The following NAV3 variants were observed in gnomAD, a reference collection of about 807,000 sequenced individuals.
The protein encoded by NAV3 is neuron navigator 3, also known as pore membrane and/or filament interacting like protein 1.
Under a neutral mutation model 244.7 loss-of-function variants are expected in NAV3, and 87 were observed. The observed-to-expected ratio is 0.36, with a 90% CI of 0.30 to 0.42. The LOEUF (loss-of-function observed/expected upper bound fraction) is 0.42, where lower values mean the gene tolerates loss of function less well. NAV3 is among the 20% of genes least tolerant of loss of function. NAV3 has a pLI of 1.00. For synonymous variants in NAV3, 1,126 were observed against 1,042.2 expected (o/e 1.08, Z -1.55); for missense variants, 2,663 against 2,893.3 (o/e 0.92, Z 1.83).
intron 1 of NAV3, among the ~76,000 whole-genome samples, chr12:77,896,357 C>T (rs1168801691): frequency 1.3e-5 from 2 of 152,128 alleles, no homozygotes; most frequent in African/African-American, 2.4e-5. Context: ...CCTCTGTTTT[C>T]CTTAGATGTG....
At chr12:77,592,793 C>G (rs1015998457) in intron 2 of NAV3, among the ~76,000 whole-genome samples, 1 of 152,150 alleles carries the variant, frequency 6.6e-6, no homozygotes, top group Non-Finnish European at 1.5e-5. Context: ...ATTGGGCATT[C>G]TGAATTTGTC....
intron 18 of NAV3, among the ~76,000 whole-genome samples, chr12:78,129,707 T>G (rs1956079956): frequency 6.6e-6 from 1 of 152,136 alleles, no homozygotes; most frequent in African/African-American, 2.4e-5. Context: ...TATTATTAGT[T>G]TATCAGAAAA....
At chr12:78,072,369 A>G (rs1224247204) in intron 12 of NAV3, among the ~76,000 whole-genome samples, 3 of 111,418 alleles carry the variant, frequency 2.7e-5, no homozygotes, top group Non-Finnish European at 5.6e-5. Context: ...CACCGATCCC[A>G]CAGAAATACA....
intron 1 of NAV3, among the ~76,000 whole-genome samples, chr12:77,909,442 A>T (rs1180856122): frequency 1.3e-5 from 2 of 151,946 alleles, no homozygotes; most frequent in Non-Finnish European, 2.9e-5. Flanking sequence ...TTAATTCCAA[A>T]AAAAAAGGGA....
At chr12:78,118,543 A>G (rs1955525342) in intron 14 of NAV3, among the ~76,000 whole-genome samples, 1 of 152,228 alleles carries the variant, frequency 6.6e-6, no homozygotes, top group Non-Finnish European at 1.5e-5. Context: ...TGGATGCCTT[A>G]CCTTGCCAGA....
intron 31 of NAV3, among the ~76,000 whole-genome samples, chr12:78,186,759 G>A (rs1395680898): frequency 6.6e-6 from 1 of 151,766 alleles, no homozygotes; most frequent in East Asian, 1.9e-4. Flanking sequence ...CAGACTAGGT[G>A]GCCTAAACAA....
At chr12:77,622,972 C>A (rs1871447490) in intron 2 of NAV3, among the ~76,000 whole-genome samples, 1 of 152,098 alleles carries the variant, frequency 6.6e-6, no homozygotes, top group Non-Finnish European at 1.5e-5. Context: ...CAGTGACTTT[C>A]AGTCAGTAAT....
At chr12:77,826,000 GAAT>G (rs1371917164), upstream of NAV3, among the ~76,000 whole-genome samples, 6 of 152,122 alleles carry the variant, frequency 3.9e-5, no homozygotes, top group Admixed American at 3.9e-4. Context: ...CTCCTGAGTA[GAAT>G]GGCTAAAATG....
chr12:77,994,786 T>A lies in NAV3; in HGVS notation c.672-17T>A. ...AAGAATCTCTTTAATTCAATTTCTC[T>A]GTTTCTCCTCATACAGTCTGGCAGC... On this transcript the variant is annotated splice_polypyrimidine_tract_variant and intron_variant, in intron 5 of 39. Coordinates refer to ENST00000397909, the MANE Select transcript of NAV3 (RefSeq NM_001024383.2). 1 of 1,591,742 alleles carries A rather than the reference T, an allele frequency of 6.3e-7. No individual in the cohort carries two copies. Among genetic ancestry groups the A allele is most frequent in the East Asian group, 2.2e-5 (1 of 44,526 alleles).
In NAV3 at chr12:78,157,394, G is replaced by GAA. The variant is rs36115195; in HGVS notation, c.4786-1793_4786-1792dup. Among the ~76,000 whole-genome samples the GAA allele has an allele frequency of 6.8e-4, 73 of 107,176 alleles. 1 individual carries two copies. The highest frequency in any genetic ancestry group is 2.1e-3 in the Admixed American group (23 of 10,784). 70.3% of individuals were successfully genotyped at this position (107,176 alleles called of 152,430 possible). A position where few individuals can be genotyped will look rare whatever the true frequency, so the allele number is the denominator to read the frequency against. On this transcript the variant is annotated intron_variant, in intron 22 of 39. Coordinates refer to ENST00000397909, the MANE Select transcript of NAV3 (RefSeq NM_001024383.2). ...GTGAGGCACTGTCTCTACAGAAAAT[G>GAA]AAAAAAAAAAAAAAAAAGTAGCTGG...
chr12:78,132,352 GT>G (rs1956200635), intron 18 of NAV3, among the ~76,000 whole-genome samples: 1 of 152,102 alleles, frequency 6.6e-6, no homozygotes, highest in African/African-American at 2.4e-5. Context: ...AGTCTGAAAG[GT>G]TAAGTTTACC....
rs71088356 is a variant in NAV3 at position 78,078,375 on chromosome 12, C to CTT, written c.2636+19297_2636+19298dup. 2.1e-4 allele frequency among the ~76,000 whole-genome samples: 14 copies of CTT among 67,840 alleles called. 3 individuals are homozygous for CTT. The highest frequency in any genetic ancestry group is 3.5e-4 in the Non-Finnish European group (13 of 37,062). The allele number at this position is 67,840 out of a possible 152,430, so 44.5% of individuals were successfully genotyped here. On this transcript the variant is annotated intron_variant, in intron 12 of 39. Coordinates refer to ENST00000397909, the MANE Select transcript of NAV3 (RefSeq NM_001024383.2). ...AGAGTTGCATTTCACTCTTTCCACT[C>CTT]TTTTTTTTTTTTTTTTTTTTTTTTT...
intron 3 of NAV3, among the ~76,000 whole-genome samples, chr12:77,963,734 T>C (rs1432014697): frequency 2.0e-5 from 3 of 152,174 alleles, no homozygotes; most frequent in Non-Finnish European, 2.9e-5. Flanking sequence ...TGAATGACTA[T>C]AAAAGAATAG....
At chr12:77,885,065 G>T (rs558096685) in intron 1 of NAV3, among the ~76,000 whole-genome samples, 12 of 152,102 alleles carry the variant, frequency 7.9e-5, no homozygotes, top group Non-Finnish European at 1.6e-4. Context: ...ATCTATCAGG[G>T]CTAGTATATA....
intron 12 of NAV3, among the ~76,000 whole-genome samples, chr12:78,112,307 C>T (rs949461568): frequency 2.0e-5 from 3 of 152,226 alleles, no homozygotes; most frequent in Non-Finnish European, 2.9e-5. Flanking sequence ...TATAGGTGTT[C>T]GTAAGAGAGT....
intron 2 of NAV3, among the ~76,000 whole-genome samples, chr12:77,676,814 G>T (rs2137098184): frequency 6.6e-6 from 1 of 152,092 alleles, no homozygotes; most frequent in East Asian, 1.9e-4. Flanking sequence ...GGATTGAGGA[G>T]AAAAGGCCCC....
chr12:78,200,970 C>A (rs1335412075), intron 38 of NAV3, among the ~76,000 whole-genome samples: 1 of 151,124 alleles, frequency 6.6e-6, no homozygotes, highest in Non-Finnish European at 1.5e-5. Context: ...TCTTTTTCTT[C>A]TTTTCTTTCT....
intron 12 of NAV3, among the ~76,000 whole-genome samples, chr12:78,102,208 A>G (rs1251337225): frequency 6.6e-6 from 1 of 152,202 alleles, no homozygotes; most frequent in African/African-American, 2.4e-5. Context: ...CAATGGGAGT[A>G]CTGGTATTGG....
intron 1 of NAV3, 107 bp from the exon 2 acceptor site, chr12:77,940,212 A>T (rs1401074356): frequency 3.9e-5 from 30 of 774,338 alleles, no homozygotes; most frequent in Non-Finnish European, 6.3e-5. Flanking sequence ...TTAAACTGGA[A>T]TGTGATCCAG....
Sources: allele counts gnomAD v4.1 joint callset (sites outside exome capture counted in the v4.1 genomes callset), GRCh38; gene constraint gnomAD v4.1.1; transcripts MANE v1.5; gene names NCBI Gene and HGNC (gene_info 2026-07-23, HGNC 2026-07-21).